The following GLS variants were observed in gnomAD, a reference collection of about 807,000 sequenced individuals.
The protein encoded by GLS is glutaminase.
A neutral mutation model predicts 86.7 loss-of-function variants in GLS; 36 were observed. That is an observed-to-expected ratio of 0.42 (90% CI 0.32 to 0.55). GLS has a LOEUF of 0.55. Among genes scored for constraint, GLS ranks in the 20% least tolerant of loss-of-function variants. GLS has a pLI of 0.17. For missense variants in GLS, 528 were observed against 833.4 expected, an observed-to-expected ratio of 0.63 and a Z score of 4.51; for synonymous variants, 317 against 305.9, an observed-to-expected ratio of 1.04 and a Z score of -0.38.
intron 7 of GLS, among the ~76,000 whole-genome samples, chr2:190,910,697 T>A (rs1259777020): frequency 6.6e-6 from 1 of 151,634 alleles, no homozygotes; most frequent in East Asian, 1.9e-4. Context: ...ATTAAAGGCA[T>A]TTTACTGTAT....
intron 12 of GLS, among the ~76,000 whole-genome samples, chr2:190,929,565 G>A (rs1038756367): frequency 1.3e-5 from 2 of 151,584 alleles, no homozygotes; most frequent in Non-Finnish European, 2.9e-5. Context: ...TGCCTCCCAG[G>A]TTCAAGCGAT....
Position 190,913,272 on chromosome 2 carries a change from G to A in GLS, c.1038+2951G>A. 2 of 1,299,832 alleles carry A rather than the reference G, an allele frequency of 1.5e-6. No homozygotes were observed. The highest frequency in any genetic ancestry group is 2.0e-6 in the Non-Finnish European group (2 of 987,454). The allele number at this position is 1,299,832 out of a possible 1,614,324, so 80.5% of individuals were successfully genotyped here. The stretch of plus-strand genomic sequence containing the variant: ...GATTAGCAGATTGTGGAAAAAAGGA[G>A]AATTTGGACAGAAGGAGCCTGTTGC... On this transcript the variant is annotated intron_variant, in intron 7 of 17. Coordinates refer to ENST00000320717, the MANE Select transcript of GLS (RefSeq NM_014905.5). The surrounding 1 kb of genome is among the most constrained non-coding windows in gnomAD (Gnocchi z 6.1).
intron 11 of GLS, among the ~76,000 whole-genome samples, chr2:190,925,746 A>G (rs936119034): frequency 3.3e-5 from 5 of 152,184 alleles, no homozygotes; most frequent in African/African-American, 9.6e-5. Context: ...GCCCAATGTG[A>G]AAAACCGTAA....
At position 190,950,344 on chromosome 2, in the gene GLS, T is replaced by C. The variant is rs1690687087; in HGVS notation, c.1651-3221T>C. On this transcript the variant is annotated intron_variant, in intron 14 of 17. Transcript: ENST00000320717. Reference sequence around the variant, plus strand: ...GGAAAGGCACGGGAGTTCCTTGATGTTTTTAAAAGATCCCTATGGCAGCAG... The same window carrying C: ...GGAAAGGCACGGGAGTTCCTTGATGCTTTTAAAAGATCCCTATGGCAGCAG... 6.6e-5 allele frequency among the ~76,000 whole-genome samples: 10 copies of C among 152,148 alleles called. No individual in the cohort carries two copies. In the South Asian group the frequency reaches 1.9e-3, roughly 28 times the overall value.
Position 190,935,232 on chromosome 2 carries a change from C to T in GLS, c.1650+3595C>T. 3.8e-6 allele frequency: 3 copies of T among 790,594 alleles called. No individual in the cohort carries two copies. Among genetic ancestry groups the T allele is most frequent in the Non-Finnish European group, 4.6e-6 (3 of 652,610 alleles). 49.0% of individuals were successfully genotyped at this position (790,594 alleles called of 1,614,324 possible). On this transcript the variant is annotated intron_variant, in intron 14 of 17. Coordinates refer to ENST00000320717, the MANE Select transcript of GLS (RefSeq NM_014905.5). This position sits in a 1 kb window ranked among gnomAD's most constrained non-coding sequence, Gnocchi z 4.2. Reference sequence around the variant, plus strand: ...TTTGCTTTGTATATTTAATAATGTACCTTTATTTTCCAGTATGCCTACATT... The same window carrying T: ...TTTGCTTTGTATATTTAATAATGTATCTTTATTTTCCAGTATGCCTACATT...
chr2:190,963,611 T>G lies in GLS; in HGVS notation c.*625T>G, dbSNP rs1302161167. 1 of 152,670 alleles carries G rather than the reference T, an allele frequency of 6.6e-6. No homozygotes were observed. The highest frequency in any genetic ancestry group is 1.5e-5 in the Non-Finnish European group (1 of 68,048). The allele number at this position is 152,670 out of a possible 1,614,324, so 9.5% of individuals were successfully genotyped here. A position where few individuals can be genotyped will look rare whatever the true frequency, so the allele number is the denominator to read the frequency against. ...TTGGTGACCAAAACGTATGTGTGAA[T>G]GTAGTTATAATGCTTTTGAAAAATT... On this transcript the variant is annotated 3_prime_UTR_variant, in exon 18 of 18. Coordinates refer to ENST00000320717, the MANE Select transcript of GLS (RefSeq NM_014905.5).
rs1477729173 is a variant in GLS at position 190,953,556 on chromosome 2, T to C, written c.1651-9T>C. The C allele has an allele frequency of 3.1e-6, 5 of 1,600,024 alleles. No individual in the cohort carries two copies. The highest frequency in any genetic ancestry group is 1.3e-5 in the African/African-American group (1 of 74,744). On this transcript the variant is annotated splice_polypyrimidine_tract_variant and intron_variant, in intron 14 of 17. Coordinates refer to ENST00000320717, the MANE Select transcript of GLS (RefSeq NM_014905.5). This position sits in a 1 kb window ranked among gnomAD's most constrained non-coding sequence, Gnocchi z 4.0. ...TCCTAAGGATGCCTAAACTTTCTTTTCTTCACAGGTAAAGTCAGTGATAAA... is the reference window on the plus strand; with the variant it reads ...TCCTAAGGATGCCTAAACTTTCTTTCCTTCACAGGTAAAGTCAGTGATAAA...
chr2:190,900,028 T>C (rs1688883531), intron 3 of GLS, among the ~76,000 whole-genome samples: 1 of 113,176 alleles, frequency 8.8e-6, no homozygotes, highest in South Asian at 2.8e-4. Context: ...TACAAGCATA[T>C]CAACAGACAT....
At position 190,960,595 on chromosome 2, in the gene GLS, C is replaced by T. The variant is rs10198061; in HGVS notation, c.1854-2235C>T. On this transcript the variant is annotated intron_variant, in intron 17 of 17. Coordinates refer to ENST00000320717, the MANE Select transcript of GLS (RefSeq NM_014905.5). Reference sequence around the variant, plus strand: ...CTTACTATGTTGCCCAAGCTGGTCTCCAACTCCTGGGCTCAAGCGGTCCTC... The same window carrying T: ...CTTACTATGTTGCCCAAGCTGGTCTTCAACTCCTGGGCTCAAGCGGTCCTC... Among the ~76,000 whole-genome samples, 348 of 151,964 alleles carry T rather than the reference C, an allele frequency of 2.3e-3. 2 individuals are homozygous for T. Among genetic ancestry groups the T allele is most frequent in the African/African-American group, 7.9e-3 (329 of 41,442 alleles).
In GLS at chr2:190,964,255, G is replaced by A. The variant is rs1420330527; in HGVS notation, c.*1269G>A. The A allele has an allele frequency of 2.0e-5, 3 of 152,098 alleles. No individual in the cohort carries two copies. The highest frequency in any genetic ancestry group is 4.4e-5 in the Non-Finnish European group (3 of 68,020). 9.4% of individuals were successfully genotyped at this position (152,098 alleles called of 1,614,324 possible). A position where few individuals can be genotyped will look rare whatever the true frequency, so the allele number is the denominator to read the frequency against. The stretch of plus-strand genomic sequence containing the variant: ...AAAACGGATAGAACAGGATTTTCTA[G>A]GAGTTACACATACATTTTATCCTGT... On this transcript the variant is annotated 3_prime_UTR_variant, in exon 18 of 18. Transcript: ENST00000320717. This position sits in a 1 kb window ranked among gnomAD's most constrained non-coding sequence, Gnocchi z 5.2.
intron 7 of GLS, among the ~76,000 whole-genome samples, chr2:190,917,998 C>T (rs1003627525): frequency 6.6e-6 from 1 of 152,022 alleles, no homozygotes; most frequent in Non-Finnish European, 1.5e-5. Flanking sequence ...AGGTTGTAAA[C>T]CGATGTGGTC....
In GLS at chr2:190,880,921, C is replaced by CCG. The variant is rs1688127968; in HGVS notation, c.-163_-162insGC. On this transcript the variant is annotated 5_prime_UTR_variant, in exon 1 of 18. Transcript: ENST00000320717. ...AGCAGCAGCAGCAGCAGCAGCAGCA[C>CCG]CCGCATCCGCTGCGGGAGTCCGAGC... The CCG allele has an allele frequency of 1.3e-5, 10 of 751,552 alleles. 1 individual carries two copies. The East Asian group carries it at 2.4e-4, about 18-fold the overall frequency. The allele number at this position is 751,552 out of a possible 1,614,324, so 46.6% of individuals were successfully genotyped here. A position where few individuals can be genotyped will look rare whatever the true frequency, so the allele number is the denominator to read the frequency against.
rs1489640555 is a variant in GLS at position 190,949,453 on chromosome 2, G to T, written c.1651-4112G>T. Reference sequence around the variant, plus strand: ...TCACACCTGTAATCCCTACACTTTGGGAGGCTGAGGCAGGCAGATCGCTTG... The same window carrying T: ...TCACACCTGTAATCCCTACACTTTGTGAGGCTGAGGCAGGCAGATCGCTTG... On this transcript the variant is annotated intron_variant, in intron 14 of 17. Coordinates refer to ENST00000320717, the MANE Select transcript of GLS (RefSeq NM_014905.5). The surrounding 1 kb of genome is among the most constrained non-coding windows in gnomAD (Gnocchi z 4.0). Among the ~76,000 whole-genome samples, 1 of 152,156 alleles carries T rather than the reference G, an allele frequency of 6.6e-6. No individual in the cohort carries two copies. Among genetic ancestry groups the T allele is most frequent in the African/African-American group, 2.4e-5 (1 of 41,426 alleles).
At chr2:190,883,404 C>T (rs1055617918) in intron 1 of GLS, among the ~76,000 whole-genome samples, 1 of 152,180 alleles carries the variant, frequency 6.6e-6, no homozygotes, top group African/African-American at 2.4e-5. Flanking sequence ...CATAGGTCAT[C>T]CCTCAGTCAG....
At chr2:190,927,573 T>A in intron 12 of GLS, 91 bp downstream of exon 12, 1 of 871,642 alleles carries the variant, frequency 1.1e-6, no homozygotes, top group Non-Finnish European at 1.8e-6. Flanking sequence ...CTTCTAAAGC[T>A]GTATATTAAT....
Position 190,920,935 on chromosome 2 carries a change from A to G in GLS, c.1039-89A>G. 1.4e-6 allele frequency: 1 copy of G among 702,548 alleles called. No homozygotes were observed. The allele number at this position is 702,548 out of a possible 1,614,324, so 43.5% of individuals were successfully genotyped here. On this transcript the variant is annotated intron_variant, in intron 7 of 17. Transcript: ENST00000320717. The surrounding 1 kb of genome is among the most constrained non-coding windows in gnomAD (Gnocchi z 4.2). ...TAAAAATACTAATGCAGTATATTATAATAGTAGCTTTGAAATTTTGATATT... is the reference window on the plus strand; with the variant it reads ...TAAAAATACTAATGCAGTATATTATGATAGTAGCTTTGAAATTTTGATATT...
intron 14 of GLS, among the ~76,000 whole-genome samples, chr2:190,944,661 T>C (rs940968775): frequency 6.6e-6 from 1 of 152,188 alleles, no homozygotes; most frequent in African/African-American, 2.4e-5. Context: ...TATGACCTCA[T>C]TGGTATCTTT....
In GLS at chr2:190,881,135, G is replaced by T; in HGVS notation, c.51G>T (p.Ser17=). 6.4e-7 allele frequency: 1 copy of T among 1,555,606 alleles called. No homozygotes were observed. The change falls in exon 1 of 18, where the codon TCG becomes TCT. Residue 17 remains serine, a synonymous_variant. Coordinates refer to ENST00000320717, the MANE Select transcript of GLS (RefSeq NM_014905.5). ...SGMLRDLLLR[S]PAGVSATLRR... ...TGCTGCGGGACCTGCTCCTGCGGTC[G>T]CCCGCCGGCGTGAGCGCGACTCTGC...
At chr2:190,918,810 G>A (rs1364325560) in intron 7 of GLS, among the ~76,000 whole-genome samples, 1 of 152,040 alleles carries the variant, frequency 6.6e-6, no homozygotes. Context: ...GTTATTAATT[G>A]GCCTGTTTTC....
Sources: gnomAD v4.1 joint callset for allele counts (sites outside exome capture counted in the v4.1 genomes callset) on GRCh38, gnomAD v4.1.1 for gene constraint, Gnocchi (gnomAD v3.1) non-coding constraint, MANE v1.5 for transcripts, NCBI Gene and HGNC (gene_info 2026-07-23, HGNC 2026-07-21) for gene names.